Variants in DAB1 observed in about 807,000 individuals in gnomAD.
DAB1 encodes disabled homolog 1.
DAB1 carries 15 observed loss-of-function variants against 64.6 expected under a neutral mutation model. That is an observed-to-expected ratio of 0.23 (90% CI 0.16 to 0.36). The LOEUF (loss-of-function observed/expected upper bound fraction) is 0.36. Among genes scored for constraint, DAB1 ranks in the 10% least tolerant of loss-of-function variants. The pLI, the probability that DAB1 is intolerant of heterozygous loss-of-function variation, is 1.00. For missense variants in DAB1, 596 were observed against 706.7 expected (o/e 0.84, Z 1.78); for synonymous variants, 235 against 251.9 (o/e 0.93, Z 0.64).
At chr1:57,542,194 A>T (rs1644809949) in intron 7 of DAB1, among the ~76,000 whole-genome samples, 1 of 152,128 alleles carries the variant, frequency 6.6e-6, no homozygotes, top group South Asian at 2.1e-4. Context: ...TTACACTTTT[A>T]TTCATAAGTG....
chr1:57,961,499 C>T (rs1414429509), intron 5 of DAB1, among the ~76,000 whole-genome samples: 1 of 152,152 alleles, frequency 6.6e-6, no homozygotes, highest in Middle Eastern at 3.2e-3. Flanking sequence ...TCCTGTCATG[C>T]TCAACCATAG....
At chr1:57,091,094 T>C (rs1386871751) in intron 4 of DAB1, among the ~76,000 whole-genome samples, 1 of 152,130 alleles carries the variant, frequency 6.6e-6, no homozygotes, top group East Asian at 1.9e-4. Context: ...AGCCCAGAGC[T>C]GTGAGGGTTT....
intron 7 of DAB1, among the ~76,000 whole-genome samples, chr1:57,435,424 T>G (rs182712482): frequency 5.9e-5 from 9 of 152,374 alleles, no homozygotes; most frequent in Admixed American, 1.3e-4. Context: ...TTTTGAATTT[T>G]TTTAACTTTT....
intron 2 of DAB1, among the ~76,000 whole-genome samples, chr1:57,176,448 C>T (rs761821133): frequency 6.3e-4 from 96 of 152,084 alleles, no homozygotes; most frequent in Non-Finnish European, 1.2e-3. Context: ...ATGAAAGACC[C>T]GCCCCCCACA....
chr1:58,118,400 C>A (rs556872290), intron 5 of DAB1, among the ~76,000 whole-genome samples: 21 of 131,704 alleles, frequency 1.6e-4, no homozygotes, highest in Non-Finnish European at 3.0e-4. Context: ...ACTTCCTCAT[C>A]TTTAATAATA....
At chr1:58,540,261 C>T (rs1442484861) in intron 1 of DAB1, among the ~76,000 whole-genome samples, 1 of 149,172 alleles carries the variant, frequency 6.7e-6, no homozygotes, top group Non-Finnish European at 1.5e-5. Context: ...TAAATGCTTC[C>T]AAGCAACAAC....
At chr1:57,669,671 T>A (rs1321344121) in intron 6 of DAB1, among the ~76,000 whole-genome samples, 2 of 152,030 alleles carry the variant, frequency 1.3e-5, no homozygotes, top group Non-Finnish European at 2.9e-5. Context: ...TTTAATAACA[T>A]CCCCCATTTC....
intron 5 of DAB1, among the ~76,000 whole-genome samples, chr1:58,002,909 G>A (rs1646528715): frequency 6.6e-6 from 1 of 151,976 alleles, no homozygotes; most frequent in Non-Finnish European, 1.5e-5. Context: ...TTTAAAATCT[G>A]TAATATAAGG....
chr1:57,526,013 C>G (rs1644589184), intron 7 of DAB1, among the ~76,000 whole-genome samples: 1 of 150,866 alleles, frequency 6.6e-6, no homozygotes, highest in Non-Finnish European at 1.5e-5. Context: ...TCTCAGCTCA[C>G]TGCAACCTCC....
At chr1:57,110,570 T>C (rs180759340) in intron 4 of DAB1, among the ~76,000 whole-genome samples, 135 of 152,374 alleles carry the variant, frequency 8.9e-4, no homozygotes, top group African/African-American at 2.6e-3. Flanking sequence ...TCAACGTATT[T>C]AGTGAACATT....
chr1:57,151,072 C>T lies in DAB1; in HGVS notation c.68-5643G>A, dbSNP rs368198721. Among the ~76,000 whole-genome samples, 52 of 152,194 alleles carry T rather than the reference C, an allele frequency of 3.4e-4. 2 individuals are homozygous for T. The South Asian group carries it at 0.01, about 30-fold the overall frequency. ...GAGCCAGGGCCAATTAATGTACTTGCAAAACACAGTACTAGAGGGCATGGC... is the reference window on the plus strand; with the variant it reads ...GAGCCAGGGCCAATTAATGTACTTGTAAAACACAGTACTAGAGGGCATGGC... On this transcript the variant is annotated intron_variant, in intron 2 of 14. Coordinates refer to ENST00000371236, the MANE Select transcript of DAB1 (RefSeq NM_001365792.1).
At chr1:57,239,122 G>T (rs1668321345) in intron 2 of DAB1, among the ~76,000 whole-genome samples, 1 of 152,054 alleles carries the variant, frequency 6.6e-6, no homozygotes, top group Non-Finnish European at 1.5e-5. Context: ...TGTGACCCTT[G>T]AGCACAGCCA....
In DAB1 at chr1:57,720,479, G is replaced by A. The variant is rs544468248; in HGVS notation, n.552-70814C>T. ...TGTTCCCAAGGTCTGTTTTAATTCC[G>A]GCATGAAGATAGTGCAGTATAAGAG... On this transcript the variant is annotated intron_variant and non_coding_transcript_variant, in intron 6 of 20. Coordinates refer to the DAB1 transcript ENST00000485760. Among the ~76,000 whole-genome samples, 165 of 152,228 alleles carry A rather than the reference G, an allele frequency of 1.1e-3. 1 individual carries two copies. Among genetic ancestry groups the A allele is most frequent in the African/African-American group, 3.6e-3 (150 of 41,536 alleles).
chr1:58,220,588 T>A (rs1659108097), intron 4 of DAB1, among the ~76,000 whole-genome samples: 2 of 152,170 alleles, frequency 1.3e-5, no homozygotes, highest in African/African-American at 4.8e-5. Flanking sequence ...GCCCGCCACA[T>A]AACAAGTTAA....
chr1:57,114,392 C>T (rs1376148444), intron 4 of DAB1, among the ~76,000 whole-genome samples: 1 of 152,064 alleles, frequency 6.6e-6, no homozygotes, highest in African/African-American at 2.4e-5. Flanking sequence ...GGCAAAGAAA[C>T]CTCCTTGGAA....
chr1:57,540,869 A>G (rs1348400415), intron 7 of DAB1, among the ~76,000 whole-genome samples: 1 of 152,190 alleles, frequency 6.6e-6, no homozygotes, highest in Admixed American at 6.5e-5. Context: ...GGGTCCAAAC[A>G]TACAGTTAGA....
chr1:57,198,604 C>T (rs1000598607), intron 2 of DAB1, among the ~76,000 whole-genome samples: 1 of 148,074 alleles, frequency 6.8e-6, no homozygotes, highest in Admixed American at 6.8e-5. Context: ...CATATCCTGG[C>T]TTAACTCTCT....
At chr1:58,179,746 T>C (rs1258112989) in intron 4 of DAB1, among the ~76,000 whole-genome samples, 2 of 151,986 alleles carry the variant, frequency 1.3e-5, no homozygotes, top group Non-Finnish European at 2.9e-5. Flanking sequence ...TAGTAAAAGT[T>C]TCATAAATTT....
chr1:57,915,603 C>T (rs114931168), intron 5 of DAB1, among the ~76,000 whole-genome samples: 3,385 of 152,200 alleles, frequency 0.022, 60 homozygotes, highest in Non-Finnish European at 0.036. Context: ...AAACATTTCT[C>T]GAAAGCACTT....
Sources: gnomAD v4.1 joint callset for allele counts (sites outside exome capture counted in the v4.1 genomes callset) on GRCh38, gnomAD v4.1.1 for gene constraint, MANE v1.5 for transcripts, NCBI Gene and HGNC (gene_info 2026-07-23, HGNC 2026-07-21) for gene names.